Variants in AGO3 observed in about 807,000 individuals in gnomAD.
AGO3 encodes argonaute RISC catalytic component 3, also known as protein argonaute-3.
In AGO3, 16 loss-of-function variants were observed where a neutral mutation model predicts 105.5. That is an observed-to-expected ratio of 0.15 (90% CI 0.10 to 0.23). The LOEUF is 0.23. AGO3 is among the 10% of genes least tolerant of loss of function. The pLI, the probability that AGO3 is intolerant of heterozygous loss-of-function variation, is 1.00. For synonymous variants in AGO3, 340 were observed against 367.3 expected (o/e 0.93, Z 0.85); for missense variants, 534 against 1,088.0 (o/e 0.49, Z 7.16).
chr1:35,935,198 C>G (rs12565302), intron 1 of AGO3, among the ~76,000 whole-genome samples: 13,321 of 152,102 alleles, frequency 0.088, 2,041 homozygotes, highest in East Asian at 0.68. Flanking sequence ...TAGAATTTCT[C>G]TTTCAATGAA....
At chr1:35,943,158 C>T (rs1324920406) in intron 1 of AGO3, among the ~76,000 whole-genome samples, 1 of 151,970 alleles carries the variant, frequency 6.6e-6, no homozygotes, top group Non-Finnish European at 1.5e-5. Flanking sequence ...TGCACACAAC[C>T]ACACCCAGGT....
At chr1:35,940,770 C>T (rs1349084200) in intron 1 of AGO3, among the ~76,000 whole-genome samples, 1 of 152,156 alleles carries the variant, frequency 6.6e-6, no homozygotes, top group East Asian at 1.9e-4. Context: ...TCTTGAAACA[C>T]TGTTTTTCTC....
At chr1:36,050,204 G>A (rs191011615) in intron 17 of AGO3, among the ~76,000 whole-genome samples, 2 of 152,302 alleles carry the variant, frequency 1.3e-5, no homozygotes, top group Admixed American at 6.5e-5. Flanking sequence ...TAATGGAGGC[G>A]GTCAGGTGTG....
intron 2 of AGO3, among the ~76,000 whole-genome samples, chr1:35,958,936 A>G (rs920846419): frequency 3.9e-5 from 6 of 152,180 alleles, no homozygotes; most frequent in African/African-American, 1.4e-4. Context: ...GCCATGGATA[A>G]TGTCAGTAGA....
In AGO3 at chr1:36,040,955, C is replaced by A. The variant is rs548762157; in HGVS notation, c.2172+514C>A. Among the ~76,000 whole-genome samples, 266 of 151,412 alleles carry A rather than the reference C, an allele frequency of 1.8e-3. 4 individuals are homozygous for A. Among genetic ancestry groups the A allele is most frequent in the Middle Eastern group, 3.4e-3 (1 of 294 alleles). ...AGGTGTGGTGGCGCACATCTGTAAT[C>A]CCAGCTACTCGGGAGACTGAGGCAG... On this transcript the variant is annotated intron_variant, in intron 16 of 18. Coordinates refer to ENST00000373191, the MANE Select transcript of AGO3 (RefSeq NM_024852.4).
intron 9 of AGO3, among the ~76,000 whole-genome samples, chr1:36,012,850 C>T (rs1466620156): frequency 1.3e-5 from 2 of 151,760 alleles, no homozygotes; most frequent in African/African-American, 2.4e-5. Context: ...AGGAAGATGG[C>T]TTGAGCCCAG....
intron 2 of AGO3, among the ~76,000 whole-genome samples, chr1:35,947,425 A>G (rs1279803894): frequency 6.6e-6 from 1 of 152,168 alleles, no homozygotes; most frequent in Non-Finnish European, 1.5e-5. Context: ...GTGACCTCGT[A>G]GTACTTGATG....
intron 1 of AGO3, among the ~76,000 whole-genome samples, chr1:35,935,590 G>C (rs1449633894): frequency 1.3e-5 from 2 of 152,164 alleles, no homozygotes. Flanking sequence ...TTACTGCCTG[G>C]CCTGACAGTA....
chr1:36,010,961 G>C (rs996058391), intron 9 of AGO3, among the ~76,000 whole-genome samples: 1 of 151,510 alleles, frequency 6.6e-6, no homozygotes, highest in Non-Finnish European at 1.5e-5. Flanking sequence ...AAGAGAAAAA[G>C]AGAGAGAAAG....
chr1:36,065,665 G>A lies in AGO3; in HGVS notation c.*9920G>A, dbSNP rs1429271803. The A allele has an allele frequency of 2.0e-5, 3 of 152,082 alleles. No homozygotes were observed. The highest frequency in any genetic ancestry group is 4.4e-5 in the Non-Finnish European group (3 of 68,094). The allele number at this position is 152,082 out of a possible 1,614,324, so 9.4% of individuals were successfully genotyped here. ...GGTCCTGTGTTTTCTTTTTCCTTCT[G>A]AAAGTTCATAGAAACCTGGCATATA... is the stretch of plus-strand genomic sequence containing the variant. On this transcript the variant is annotated 3_prime_UTR_variant, in exon 19 of 19. Transcript: ENST00000373191.
chr1:35,957,044 T>C (rs1557650761), intron 2 of AGO3, among the ~76,000 whole-genome samples: 1 of 152,026 alleles, frequency 6.6e-6, no homozygotes, highest in Non-Finnish European at 1.5e-5. Context: ...CCATTACACA[T>C]GGTTGTTAAG....
intron 3 of AGO3, 32 bp downstream of exon 3, chr1:35,967,107 T>C: frequency 6.3e-7 from 1 of 1,592,826 alleles, no homozygotes; most frequent in Non-Finnish European, 8.5e-7. Context: ...TGGAAAGGTA[T>C]ATTTTTGAAG....
intron 11 of AGO3, among the ~76,000 whole-genome samples, chr1:36,015,800 T>C (rs1640875820): frequency 6.6e-6 from 1 of 152,252 alleles, no homozygotes; most frequent in Non-Finnish European, 1.5e-5. Context: ...GGATAATTTA[T>C]TTAATCTCAT....
chr1:35,935,843 A>G (rs1287541345), intron 1 of AGO3, among the ~76,000 whole-genome samples: 1 of 152,256 alleles, frequency 6.6e-6, no homozygotes. Flanking sequence ...AAAACATATT[A>G]TCTTATAGTA....
At chr1:35,989,288 C>A (rs968235299) in intron 5 of AGO3, among the ~76,000 whole-genome samples, 1 of 152,182 alleles carries the variant, frequency 6.6e-6, no homozygotes, top group Admixed American at 6.5e-5. Flanking sequence ...GTTCTATTGG[C>A]ATTTAATAGC....
At chr1:36,026,110 C>T (rs1466461795) in intron 11 of AGO3, among the ~76,000 whole-genome samples, 1 of 151,422 alleles carries the variant, frequency 6.6e-6, no homozygotes, top group Non-Finnish European at 1.5e-5. Context: ...TGCTGCCTGC[C>T]TCATCTGTTT....
rs185176724 is a variant in AGO3, at chr1:35,964,319, C to T, written c.192-2636C>T. Among the ~76,000 whole-genome samples, 815 of 152,210 alleles carry T rather than the reference C, an allele frequency of 5.4e-3. 4 individuals are homozygous for T. The highest frequency in any genetic ancestry group is 0.02 in the Middle Eastern group (6 of 294). On this transcript the variant is annotated intron_variant, in intron 2 of 18. Coordinates refer to ENST00000373191, the MANE Select transcript of AGO3 (RefSeq NM_024852.4). ...AGACCCCAGTGTCTATAGTTCTCCT[C>T]TATGGGTCCATATGTTCTCATCATT...
rs868092130 is a variant in AGO3 at position 36,033,454 on chromosome 1, C to G, written c.1592-720C>G. Among the ~76,000 whole-genome samples, 33 of 150,908 alleles carry G rather than the reference C, an allele frequency of 2.2e-4. No homozygotes were observed. The Middle Eastern group carries it at 0.01, about 47-fold the overall frequency. On this transcript the variant is annotated intron_variant, in intron 12 of 18. Coordinates refer to ENST00000373191, the MANE Select transcript of AGO3 (RefSeq NM_024852.4). Reference sequence around the variant, plus strand: ...TAGGAGTTTGAGACCAGGCTGGGCACCATGGTGAGACCTCCCTCATCTCTA... The same window carrying G: ...TAGGAGTTTGAGACCAGGCTGGGCAGCATGGTGAGACCTCCCTCATCTCTA...
intron 2 of AGO3, among the ~76,000 whole-genome samples, chr1:35,959,128 A>C (rs1453014919): frequency 6.6e-6 from 1 of 152,170 alleles, no homozygotes; most frequent in Non-Finnish European, 1.5e-5. Context: ...TTTACATTAA[A>C]GTTTCTCTCT....
Sources: allele counts gnomAD v4.1 joint callset (sites outside exome capture counted in the v4.1 genomes callset), GRCh38; gene constraint gnomAD v4.1.1; transcripts MANE v1.5; gene names NCBI Gene and HGNC (gene_info 2026-07-23, HGNC 2026-07-21).